SPATS2: variants seen among roughly 807,000 people sequenced by gnomAD.
The protein encoded by SPATS2 is spermatogenesis associated serine rich 2.
SPATS2 carries 38 observed loss-of-function variants against 63.7 expected under a neutral mutation model. That is an observed-to-expected ratio of 0.60 (90% CI 0.46 to 0.78). The LOEUF (loss-of-function observed/expected upper bound fraction) is 0.78, where lower values mean the gene tolerates loss of function less well. Among genes scored for constraint, SPATS2 ranks in the 30% least tolerant of loss-of-function variants. SPATS2 has a pLI of 0.00. For missense variants in SPATS2, 588 were observed against 666.2 expected (o/e 0.88, Z 1.29); for synonymous variants, 207 against 232.9 (o/e 0.89, Z 1.01).
rs929910869 is a variant in SPATS2 at position 49,367,495 on chromosome 12, G to A, written c.-399G>A. ...CGGCGGTGGCTCTAGAAGGGGAGGT[G>A]GAGGATCTCCTTTCCTCTTCTCAGA... On this transcript the variant is annotated 5_prime_UTR_variant, in exon 1 of 14. Coordinates refer to ENST00000552918, the MANE Select transcript of SPATS2 (RefSeq NM_023071.4). 3 of 399,070 alleles carry A rather than the reference G, an allele frequency of 7.5e-6. No homozygotes were observed. Among genetic ancestry groups the A allele is most frequent in the African/African-American group, 6.2e-5 (3 of 48,430 alleles). The allele number at this position is 399,070 out of a possible 1,614,324, so 24.7% of individuals were successfully genotyped here.
Position 49,500,164 on chromosome 12 carries a change from C to T in SPATS2, c.798C>T (p.Ser266=). 2 of 1,611,170 alleles carry T rather than the reference C, an allele frequency of 1.2e-6. No individual in the cohort carries two copies. The highest frequency in any genetic ancestry group is 1.7e-6 in the Non-Finnish European group (2 of 1,178,902). Residue 266 remains serine (S), a synonymous_variant, in exon 9 of 14, where the codon TCC becomes TCT. Transcript: ENST00000552918. The part of the protein sequence containing the change: ...RVVVKEEMDA[S]IKKMKQAFAE... ...TAGTTAAAGAAGAGATGGATGCCTC[C>T]ATTAAGAAAATGAAACAAGCCTTTG... is the stretch of plus-strand genomic sequence containing the variant.
intron 2 of SPATS2, among the ~76,000 whole-genome samples, chr12:49,430,533 A>T (rs1046088943): frequency 2.0e-5 from 3 of 151,710 alleles, no homozygotes; most frequent in Non-Finnish European, 4.4e-5. Flanking sequence ...TTTATTTGCA[A>T]CCTCTCATTT....
chr12:49,433,626 C>A (rs11834161), intron 2 of SPATS2, among the ~76,000 whole-genome samples: 30,440 of 152,082 alleles, frequency 0.2, 4,399 homozygotes, highest in African/African-American at 0.41. Flanking sequence ...GCCTATTGTA[C>A]AGTTGGGTTT....
At chr12:49,502,254 C>G (rs1262826007) in intron 9 of SPATS2, among the ~76,000 whole-genome samples, 1 of 152,046 alleles carries the variant, frequency 6.6e-6, no homozygotes, top group Non-Finnish European at 1.5e-5. Flanking sequence ...GAGTGTAGGT[C>G]CCCTCAGTCC....
chr12:49,480,710 A>T (rs952219677), intron 3 of SPATS2, among the ~76,000 whole-genome samples: 1 of 151,320 alleles, frequency 6.6e-6, no homozygotes, highest in Non-Finnish European at 1.5e-5. Context: ...TGTGGTTTTT[A>T]TTGGGGCTGT....
chr12:49,477,184 A>T (rs142971021), intron 3 of SPATS2, among the ~76,000 whole-genome samples: 1 of 152,116 alleles, frequency 6.6e-6, no homozygotes, highest in African/African-American at 2.4e-5. Context: ...GAAATCTATG[A>T]GGGAAAGTAA....
intron 3 of SPATS2, among the ~76,000 whole-genome samples, chr12:49,475,390 T>A (rs534936244): frequency 6.6e-6 from 1 of 152,222 alleles, no homozygotes; most frequent in Non-Finnish European, 1.5e-5. Flanking sequence ...ACAAAAAAAT[T>A]ACAATTGAAT....
At chr12:49,386,789 T>G (rs1944325045) in intron 2 of SPATS2, among the ~76,000 whole-genome samples, 1 of 152,048 alleles carries the variant, frequency 6.6e-6, no homozygotes, top group African/African-American at 2.4e-5. Flanking sequence ...GACTGAACCA[T>G]GAAGATAGTG....
At chr12:49,516,828 G>A (rs1946859687) in intron 10 of SPATS2, among the ~76,000 whole-genome samples, 2 of 151,936 alleles carry the variant, frequency 1.3e-5, no homozygotes, top group South Asian at 2.1e-4. Flanking sequence ...ATCAAATTCA[G>A]AGCTCAAAGT....
intron 2 of SPATS2, among the ~76,000 whole-genome samples, chr12:49,422,484 A>T (rs1945000691): frequency 6.6e-6 from 1 of 151,784 alleles, no homozygotes; most frequent in Non-Finnish European, 1.5e-5. Flanking sequence ...CCCTCTAGTT[A>T]TTTTTGTCTT....
intron 2 of SPATS2, among the ~76,000 whole-genome samples, chr12:49,399,663 G>T (rs750139629): frequency 5.3e-5 from 8 of 152,182 alleles, no homozygotes; most frequent in Non-Finnish European, 7.3e-5. Context: ...TTTCGGATTG[G>T]TAGTGCCCCA....
chr12:49,416,819 T>C (rs1052261519), intron 2 of SPATS2, among the ~76,000 whole-genome samples: 3 of 152,194 alleles, frequency 2.0e-5, no homozygotes, highest in Admixed American at 6.5e-5. Flanking sequence ...CTGAGGTTGC[T>C]CAGTGCCCCT....
chr12:49,526,288 A>G lies in SPATS2; in HGVS notation c.*33A>G, dbSNP rs1382011472. 2.6e-6 allele frequency: 4 copies of G among 1,547,850 alleles called. No homozygotes were observed. In the African/African-American group the frequency reaches 5.5e-5, roughly 21 times the overall value. On this transcript the variant is annotated 3_prime_UTR_variant, in exon 14 of 14. Transcript: ENST00000552918. The stretch of plus-strand genomic sequence containing the variant: ...TCCAGTTGGCCTCTCTCCTCTATCC[A>G]CACAATTCAACTTGATAACTGGACT...
chr12:49,524,418 A>G (rs552821588), intron 12 of SPATS2, among the ~76,000 whole-genome samples: 1 of 152,184 alleles, frequency 6.6e-6, no homozygotes, highest in Admixed American at 6.5e-5. Flanking sequence ...CCAAGAAGTC[A>G]TTAGTTGGTG....
chr12:49,511,724 TTTAGC>T (rs1405059854), intron 9 of SPATS2, among the ~76,000 whole-genome samples: 3 of 152,164 alleles, frequency 2.0e-5, no homozygotes, highest in Non-Finnish European at 2.9e-5. Flanking sequence ...GATGGAAAAC[TTTAGC>T]TTAAGTTTCT....
chr12:49,439,424 C>T (rs1212513363), intron 2 of SPATS2, among the ~76,000 whole-genome samples: 1 of 152,108 alleles, frequency 6.6e-6, no homozygotes, highest in Non-Finnish European at 1.5e-5. Context: ...GCAGGGAACT[C>T]AGGAAGCTAT....
In SPATS2 at chr12:49,374,958, C is replaced by CAAAAA. The variant is rs10687716; in HGVS notation, c.-244+3691_-244+3695dup. On this transcript the variant is annotated intron_variant, in intron 2 of 13. Coordinates refer to ENST00000552918, the MANE Select transcript of SPATS2 (RefSeq NM_023071.4). ...CCTGGGAAACAGCGAGGATCTGTCT[C>CAAAAA]AAAAAAAAAAAAAAAAAAAAAAAAA... Among the ~76,000 whole-genome samples, 14 of 24,738 alleles carry CAAAAA rather than the reference C, an allele frequency of 5.7e-4. 1 individual carries two copies. The highest frequency in any genetic ancestry group is 0.021 in the Middle Eastern group (1 of 48). The allele number at this position is 24,738 out of a possible 152,430, so 16.2% of individuals were successfully genotyped here.
At chr12:49,434,459 C>T (rs1051145808) in intron 2 of SPATS2, among the ~76,000 whole-genome samples, 1 of 152,142 alleles carries the variant, frequency 6.6e-6, no homozygotes, top group African/African-American at 2.4e-5. Context: ...CCCCGCCAGC[C>T]CTTGGTAACC....
At chr12:49,389,811 C>A in intron 2 of SPATS2, 1 of 988,296 alleles carries the variant, frequency 1.0e-6, no homozygotes, top group Non-Finnish European at 1.6e-6. Context: ...GGCCTTGGAA[C>A]TTACGATGAG....
Sources: allele counts gnomAD v4.1 joint callset (sites outside exome capture counted in the v4.1 genomes callset), GRCh38; gene constraint gnomAD v4.1.1; transcripts MANE v1.5; gene names NCBI Gene and HGNC (gene_info 2026-07-23, HGNC 2026-07-21).